CCDC122: variants seen among roughly 807,000 people sequenced by gnomAD.
The protein encoded by CCDC122 is coiled-coil domain-containing protein 122.
In CCDC122, 38 loss-of-function variants were observed where a neutral mutation model predicts 37.0. The ratio of observed to expected loss-of-function variants is 1.03; its 90% CI spans 0.79 to 1.35. The LOEUF is 1.35. CCDC122 is among the 40% of genes most tolerant of loss of function. CCDC122 has a pLI of 0.00. For missense variants in CCDC122, 305 were observed against 310.0 expected (o/e 0.98, Z 0.12); for synonymous variants, 83 against 95.6 (o/e 0.87, Z 0.77).
intron 4 of CCDC122, among the ~76,000 whole-genome samples, chr13:43,867,076 T>G (rs2153877898): frequency 6.6e-6 from 1 of 152,274 alleles, no homozygotes; most frequent in African/African-American, 2.4e-5. Flanking sequence ...TAGATGTTCT[T>G]CCTTAGACCA....
intron 2 of CCDC122, 35 bp downstream of exon 2, chr13:43,874,807 A>C (rs931451285): frequency 6.6e-6 from 1 of 152,322 alleles, no homozygotes; most frequent in African/African-American, 2.4e-5. Flanking sequence ...ACATCCAAAA[A>C]GAATTAATTG....
At chr13:43,825,363 G>T (rs962631576) in intron 3 of CCDC122, among the ~76,000 whole-genome samples, 2 of 152,158 alleles carry the variant, frequency 1.3e-5, no homozygotes, top group African/African-American at 4.8e-5. Context: ...GATACACACA[G>T]ACCTAAAGAT....
Position 43,837,408 on chromosome 13 carries a change from C to T in CCDC122, c.694G>A (p.Ala232Thr). 1 of 1,613,958 alleles carries T rather than the reference C, an allele frequency of 6.2e-7. No homozygotes were observed. Among genetic ancestry groups the T allele is most frequent in the Non-Finnish European group, 8.5e-7 (1 of 1,179,982 alleles). The part of the protein sequence containing the change: ...EIEVQHKRYD[A>T]ILKRLHCQVN... ...TGACAATGCAAACGCTTAAGAATTG[C>T]ATCATACCTCTTATGTTGTACCTAT... is the stretch of plus-strand genomic sequence containing the variant. The change falls in exon 7 of 7, where the codon GCA becomes ACA. Residue 232 changes from alanine to threonine, a missense_variant. Physicochemically the swap from Ala to Thr is moderately conservative, Grantham distance 58. Transcript: ENST00000444614.
chr13:43,858,948 A>G (rs752776038), intron 5 of CCDC122, 51 bp from the exon 6 acceptor site: 30 of 1,286,070 alleles, frequency 2.3e-5, no homozygotes, highest in Non-Finnish European at 1.0e-6. Flanking sequence ...GATGATCAAT[A>G]TAAATCCAAT....
chr13:43,836,369 A>C lies in CCDC122; in HGVS notation c.*911T>G, dbSNP rs1953160152. 1 of 152,294 alleles carries C rather than the reference A, an allele frequency of 6.6e-6. No homozygotes were observed. Among genetic ancestry groups the C allele is most frequent in the African/African-American group, 2.4e-5 (1 of 41,472 alleles). The allele number at this position is 152,294 out of a possible 1,614,324, so 9.4% of individuals were successfully genotyped here. A position where few individuals can be genotyped will look rare whatever the true frequency, so the allele number is the denominator to read the frequency against. The stretch of plus-strand genomic sequence containing the variant: ...ACGAATAATTTATAGAAAGTGAACA[A>C]AATATTTTATTCATCGTATCACTCA... On this transcript the variant is annotated 3_prime_UTR_variant, in exon 7 of 7. Coordinates refer to ENST00000444614, the MANE Select transcript of CCDC122 (RefSeq NM_144974.5).
chr13:43,863,674 GTT>G (rs747919296), intron 4 of CCDC122, among the ~76,000 whole-genome samples: 1,463 of 57,590 alleles, frequency 0.025, 7 homozygotes, highest in Middle Eastern at 0.061. Context: ...ATTCTAGTGG[GTT>G]GTGTGTGTGT....
intron 6 of CCDC122, among the ~76,000 whole-genome samples, chr13:43,839,831 G>T (rs577716998): frequency 8.4e-4 from 128 of 152,244 alleles, no homozygotes; most frequent in African/African-American, 3.0e-3. Flanking sequence ...TAAATTTAAA[G>T]AGTTTAATTG....
intron 6 of CCDC122, among the ~76,000 whole-genome samples, chr13:43,847,189 A>T (rs1168712606): frequency 1.3e-5 from 2 of 152,224 alleles, no homozygotes; most frequent in Non-Finnish European, 2.9e-5. Context: ...TGAAAAATCT[A>T]TGAGACAGAT....
At chr13:43,878,768 C>G (rs1954749048) in intron 1 of CCDC122, among the ~76,000 whole-genome samples, 1 of 152,112 alleles carries the variant, frequency 6.6e-6, no homozygotes, top group Non-Finnish European at 1.5e-5. Flanking sequence ...TAGGGATGAG[C>G]GCCTTTTACT....
At chr13:43,868,440 T>G (rs1199513796) in intron 4 of CCDC122, among the ~76,000 whole-genome samples, 1 of 152,112 alleles carries the variant, frequency 6.6e-6, no homozygotes, top group East Asian at 1.9e-4. Flanking sequence ...GAATGTAAAA[T>G]AATTCTATCT....
chr13:43,832,312 CAACT>C (rs1404981567), downstream of CCDC122, among the ~76,000 whole-genome samples: 2 of 152,068 alleles, frequency 1.3e-5, no homozygotes, highest in African/African-American at 4.8e-5. Context: ...AAACTATGAG[CAACT>C]AACAAATCAA....
At chr13:43,825,481 G>A (rs1953030741) in intron 3 of CCDC122, among the ~76,000 whole-genome samples, 1 of 151,662 alleles carries the variant, frequency 6.6e-6, no homozygotes, top group African/African-American at 2.4e-5. Context: ...TCTAAAAGGA[G>A]GGTGTAGGCC....
downstream of CCDC122, among the ~76,000 whole-genome samples, chr13:43,823,043 A>G (rs1017644949): frequency 1.3e-5 from 2 of 152,076 alleles, no homozygotes; most frequent in African/African-American, 4.8e-5. Context: ...ACAGCTGAGA[A>G]TGTCCTAAAT....
chr13:43,875,292 T>C (rs1353460741), intron 1 of CCDC122, among the ~76,000 whole-genome samples: 1 of 152,176 alleles, frequency 6.6e-6, no homozygotes, highest in Non-Finnish European at 1.5e-5. Flanking sequence ...TCTAAACAAG[T>C]AAACATGATT....
intron 6 of CCDC122, among the ~76,000 whole-genome samples, chr13:43,842,364 C>G (rs1953384824): frequency 1.3e-5 from 2 of 151,826 alleles, no homozygotes; most frequent in African/African-American, 4.8e-5. Context: ...TGATTAATTT[C>G]TGAACTCTAT....
chr13:43,874,748 A>G (rs1456774771), intron 2 of CCDC122, 94 bp downstream of exon 2: 1 of 152,274 alleles, frequency 6.6e-6, no homozygotes, highest in Non-Finnish European at 1.5e-5. Context: ...GGCTTTAGAG[A>G]CAACTCTTTT....
chr13:43,836,208 C>T (rs759053159), downstream of CCDC122: 9 of 152,078 alleles, frequency 5.9e-5, no homozygotes, highest in African/African-American at 2.2e-4. Flanking sequence ...AGGAGGAGCA[C>T]GTTTATCTTG....
intron 5 of CCDC122, among the ~76,000 whole-genome samples, chr13:43,859,466 T>C (rs1954032752): frequency 6.6e-6 from 1 of 152,078 alleles, no homozygotes; most frequent in African/African-American, 2.4e-5. Flanking sequence ...TTGTGGATGT[T>C]TCCTTTATGC....
In CCDC122 at chr13:43,837,336, G is replaced by A. The variant is rs759735078; in HGVS notation, c.766C>T (p.Gln256Ter). Residue 256 changes from glutamine to a stop codon, truncating the protein, a stop_gained, in exon 7 of 7, where the codon CAA (glutamine) becomes TAA (stop). Transcript: ENST00000444614. LOFTEE classifies it high-confidence loss of function. ...SNRRQWQWNI[Q>*]QLEKTAAELR... ...TCGGCTGCAGTTTTTTCCAATTGTT[G>A]AATGTTCCATTGCCACTGTCGTCTA... 4 of 1,613,690 alleles carry A rather than the reference G, an allele frequency of 2.5e-6. No homozygotes were observed. Among genetic ancestry groups the A allele is most frequent in the Non-Finnish European group, 3.4e-6 (4 of 1,179,944 alleles).
Sources: allele counts gnomAD v4.1 joint callset (sites outside exome capture counted in the v4.1 genomes callset), GRCh38; gene constraint gnomAD v4.1.1; transcripts MANE v1.5; gene names NCBI Gene and HGNC (gene_info 2026-07-23, HGNC 2026-07-21).